PDE1C: variants seen among roughly 807,000 people sequenced by gnomAD.
PDE1C encodes phosphodiesterase 1C.
In PDE1C, 62 loss-of-function variants were observed where a neutral mutation model predicts 93.1. The ratio of observed to expected loss-of-function variants is 0.67; its 90% CI spans 0.54 to 0.82. The LOEUF (loss-of-function observed/expected upper bound fraction) is 0.82, where lower values mean the gene tolerates loss of function less well. PDE1C is among the 40% of genes least tolerant of loss of function. PDE1C has a pLI of 0.00. For missense variants in PDE1C, 742 were observed against 884.6 expected (o/e 0.84, Z 2.04); for synonymous variants, 325 against 310.1 (o/e 1.05, Z -0.50).
At chr7:32,256,854 G>A (rs988523552) in intron 1 of PDE1C, among the ~76,000 whole-genome samples, 1 of 152,116 alleles carries the variant, frequency 6.6e-6, no homozygotes, top group African/African-American at 2.4e-5. Flanking sequence ...TCAATAATAG[G>A]GTGCCACTGT....
chr7:31,969,006 T>C (rs1030988390), intron 2 of PDE1C, among the ~76,000 whole-genome samples: 7 of 152,182 alleles, frequency 4.6e-5, no homozygotes, highest in African/African-American at 1.7e-4. Context: ...ACTTAAATGA[T>C]AGACCTAAAA....
At chr7:32,096,820 A>AAGATTAGATAGATAGAT in intron 3 of PDE1C, among the ~76,000 whole-genome samples, 1 of 144,482 alleles carries the variant, frequency 6.9e-6, no homozygotes, top group East Asian at 2.1e-4. Flanking sequence ...AGGGGATAGA[A>AAGATTAGATAGATAGAT]AGATAGATAG....
chr7:31,892,234 A>G (rs1798736461), intron 2 of PDE1C, among the ~76,000 whole-genome samples: 1 of 152,174 alleles, frequency 6.6e-6, no homozygotes. Flanking sequence ...CCAGTGAGCT[A>G]CTAACTGTGT....
chr7:31,867,957 T>C lies in PDE1C; in HGVS notation c.610-2875A>G, dbSNP rs370687037. On this transcript the variant is annotated intron_variant, in intron 6 of 17. Coordinates refer to ENST00000396191, the MANE Select transcript of PDE1C (RefSeq NM_001191057.4). ...CTGACACGGTTTACAGCCAAAGGAATCATACAAAGACTGCACTACTACACA... is the reference window on the plus strand; with the variant it reads ...CTGACACGGTTTACAGCCAAAGGAACCATACAAAGACTGCACTACTACACA... 1.6e-4 allele frequency among the ~76,000 whole-genome samples: 25 copies of C among 152,330 alleles called. No homozygotes were observed. The East Asian group carries it at 3.9e-3, about 23-fold the overall frequency.
intron 3 of PDE1C, among the ~76,000 whole-genome samples, chr7:32,122,798 A>G (rs1030784823): frequency 2.6e-5 from 4 of 152,338 alleles, no homozygotes; most frequent in Middle Eastern, 3.4e-3. Context: ...AAACACAATT[A>G]AAAGAGCTAG....
intron 1 of PDE1C, among the ~76,000 whole-genome samples, chr7:32,396,798 G>A (rs2128094324): frequency 6.6e-6 from 1 of 152,266 alleles, no homozygotes; most frequent in South Asian, 2.1e-4. Context: ...ACAGGGAAAT[G>A]TAATGAACAA....
the PDE1C span, among the ~76,000 whole-genome samples, chr7:31,720,653 A>AT: frequency 6.6e-6 from 1 of 152,186 alleles, no homozygotes; most frequent in Non-Finnish European, 1.5e-5. Flanking sequence ...TCAATAGCAA[A>AT]TCAACAGGGT....
chr7:32,350,250 A>G (rs985700175), intron 1 of PDE1C, among the ~76,000 whole-genome samples: 4 of 152,196 alleles, frequency 2.6e-5, no homozygotes, highest in African/African-American at 4.8e-5. Context: ...TCCTTTCTAC[A>G]TTCCCATTAA....
intron 2 of PDE1C, among the ~76,000 whole-genome samples, chr7:32,206,403 G>A (rs1469523468): frequency 6.6e-6 from 1 of 152,162 alleles, no homozygotes; most frequent in Admixed American, 6.5e-5. Flanking sequence ...GAGACCGACA[G>A]TTGCATAAAA....
chr7:31,743,100 AT>A, the PDE1C span, among the ~76,000 whole-genome samples: 1 of 151,758 alleles, frequency 6.6e-6, no homozygotes, highest in African/African-American at 2.4e-5. Context: ...TGACTTCTTA[AT>A]TTTTTCTCCT....
intron 2 of PDE1C, among the ~76,000 whole-genome samples, chr7:32,205,131 A>G (rs1275206835): frequency 1.3e-5 from 2 of 152,142 alleles, no homozygotes; most frequent in African/African-American, 4.8e-5. Flanking sequence ...CAGGGCCAAT[A>G]TCCACCTCTG....
At chr7:31,878,893 T>C (rs1796920438) in intron 4 of PDE1C, 103 bp downstream of exon 4, 21 of 1,158,632 alleles carry the variant, frequency 1.8e-5, no homozygotes, top group Non-Finnish European at 2.6e-5. Context: ...ATTTTCAGTA[T>C]TTATAAAGAT....
At position 32,336,551 on chromosome 7, in the gene PDE1C, T is replaced by C. The variant is rs1006322508; in HGVS notation, c.310+91271A>G. Among the ~76,000 whole-genome samples the C allele has an allele frequency of 2.0e-5, 3 of 152,284 alleles. No homozygotes were observed. The East Asian group carries it at 5.8e-4, about 29-fold the overall frequency. Reference sequence around the variant, plus strand: ...TCATGTGGGCTCAAATCAGGAACTCTCTTAACTGGGAGTTCACTGAACTTA... The same window carrying C: ...TCATGTGGGCTCAAATCAGGAACTCCCTTAACTGGGAGTTCACTGAACTTA... On this transcript the variant is annotated intron_variant, in intron 1 of 1. Coordinates refer to the PDE1C transcript ENST00000672256.
intron 15 of PDE1C, among the ~76,000 whole-genome samples, chr7:31,812,124 C>T (rs768505486): frequency 2.0e-5 from 3 of 152,092 alleles, no homozygotes; most frequent in Non-Finnish European, 2.9e-5. Flanking sequence ...AATATAGTCC[C>T]GAACCACCAT....
At chr7:32,127,356 G>A (rs1477338772) in intron 3 of PDE1C, among the ~76,000 whole-genome samples, 1 of 151,896 alleles carries the variant, frequency 6.6e-6, no homozygotes, top group Non-Finnish European at 1.5e-5. Flanking sequence ...GACTAATACA[G>A]GCAATAATGT....
intron 1 of PDE1C, among the ~76,000 whole-genome samples, chr7:32,364,697 T>C (rs1784196584): frequency 6.6e-6 from 1 of 152,190 alleles, no homozygotes; most frequent in Non-Finnish European, 1.5e-5. Flanking sequence ...TGTAAGCCAC[T>C]CTGCTAGAGC....
At chr7:31,786,396 T>A (rs1356185176) in intron 16 of PDE1C, 1 of 152,084 alleles carries the variant, frequency 6.6e-6, no homozygotes, top group East Asian at 1.9e-4. Context: ...TACCTGCAAT[T>A]TCCTATCTCT....
intron 9 of PDE1C, among the ~76,000 whole-genome samples, chr7:31,847,311 C>A (rs1029965889): frequency 6.6e-6 from 1 of 152,100 alleles, no homozygotes; most frequent in African/African-American, 2.4e-5. Context: ...TAGTAAGTGA[C>A]TGAGTCCATA....
chr7:32,031,352 T>C (rs985314408), intron 2 of PDE1C, among the ~76,000 whole-genome samples: 2 of 152,122 alleles, frequency 1.3e-5, no homozygotes, highest in Non-Finnish European at 2.9e-5. Context: ...CTTTTACTAA[T>C]GAGAAAAAGG....
Sources: gnomAD v4.1 joint callset for allele counts (sites outside exome capture counted in the v4.1 genomes callset) on GRCh38, gnomAD v4.1.1 for gene constraint, MANE v1.5 for transcripts, NCBI Gene and HGNC (gene_info 2026-07-23, HGNC 2026-07-21) for gene names.